The following CACNA2D3 variants were observed in gnomAD, a reference collection of about 807,000 sequenced individuals.
CACNA2D3 encodes voltage-dependent calcium channel subunit alpha-2/delta-3.
CACNA2D3 carries 60 observed loss-of-function variants against 160.6 expected under a neutral mutation model. The observed-to-expected ratio is 0.37, with a 90% CI of 0.30 to 0.46. The LOEUF (loss-of-function observed/expected upper bound fraction) is 0.46. Ranked by LOEUF, CACNA2D3 falls within the 20% of genes least tolerant of loss-of-function variation. The probability of loss-of-function intolerance (pLI) is 1.00; values close to 1 mark genes in which losing one functional copy is unlikely to be tolerated. For missense variants in CACNA2D3, 1,205 were observed against 1,365.0 expected, an observed-to-expected ratio of 0.88 and a Z score of 1.85; for synonymous variants, 558 against 492.9, an observed-to-expected ratio of 1.13 and a Z score of -1.75.
chr3:54,200,074 A>G (rs1464155215), intron 2 of CACNA2D3, among the ~76,000 whole-genome samples: 2 of 152,206 alleles, frequency 1.3e-5, no homozygotes, highest in Admixed American at 6.5e-5. Flanking sequence ...CCTTTATAGG[A>G]AAAGGTTTAC....
intron 17 of CACNA2D3, among the ~76,000 whole-genome samples, chr3:54,870,831 G>C (rs1188812742): frequency 6.6e-6 from 1 of 152,202 alleles, no homozygotes; most frequent in Non-Finnish European, 1.5e-5. Context: ...AGATGGTTCT[G>C]TGTGTCTGCA....
intron 3 of CACNA2D3, among the ~76,000 whole-genome samples, chr3:54,331,403 T>G (rs1219165423): frequency 1.3e-5 from 2 of 152,152 alleles, no homozygotes; most frequent in Non-Finnish European, 2.9e-5. Context: ...ATTAGTCAGA[T>G]TAGGGTTAGT....
intron 23 of CACNA2D3, among the ~76,000 whole-genome samples, chr3:54,887,401 T>A (rs1699951960): frequency 6.6e-6 from 1 of 152,076 alleles, no homozygotes; most frequent in South Asian, 2.1e-4. Flanking sequence ...CACTCCAGTC[T>A]GGGTGACAGA....
At chr3:54,143,228 A>G (rs1395328178) in intron 2 of CACNA2D3, among the ~76,000 whole-genome samples, 5 of 152,198 alleles carry the variant, frequency 3.3e-5, no homozygotes, top group Non-Finnish European at 7.3e-5. Flanking sequence ...TCCCCTCAAC[A>G]CAAATGCTGA....
Position 54,507,073 on chromosome 3 carries a change from G to A in CACNA2D3, c.544+3419G>A, listed in dbSNP as rs960309708. On this transcript the variant is annotated intron_variant, in intron 5 of 37. Coordinates refer to ENST00000474759, the MANE Select transcript of CACNA2D3 (RefSeq NM_018398.3). ...TGTGCATGTTTCTGTCTATGGGCAGGTCTGTTCATGTGTGTTTGTAAATAT... is the reference window on the plus strand; with the variant it reads ...TGTGCATGTTTCTGTCTATGGGCAGATCTGTTCATGTGTGTTTGTAAATAT... 6.6e-5 allele frequency among the ~76,000 whole-genome samples: 10 copies of A among 152,204 alleles called. No homozygotes were observed. In the South Asian group the frequency reaches 1.9e-3, roughly 28 times the overall value.
At chr3:54,304,337 C>A (rs1703548904) in intron 2 of CACNA2D3, among the ~76,000 whole-genome samples, 1 of 152,086 alleles carries the variant, frequency 6.6e-6, no homozygotes, top group African/African-American at 2.4e-5. Context: ...TGTATGAGGG[C>A]CCCTGGGTTG....
intron 2 of CACNA2D3, among the ~76,000 whole-genome samples, chr3:54,158,118 T>C (rs1243644206): frequency 6.6e-6 from 1 of 152,220 alleles, no homozygotes; most frequent in Admixed American, 6.5e-5. Context: ...TACTTAGAGC[T>C]TTGTGATTCT....
chr3:55,033,439 A>T (rs1703719961), intron 35 of CACNA2D3, among the ~76,000 whole-genome samples: 1 of 151,648 alleles, frequency 6.6e-6, no homozygotes, highest in Non-Finnish European at 1.5e-5. Context: ...CCTTGCATAG[A>T]TGGCTTATGC....
At chr3:54,385,963 G>A in intron 3 of CACNA2D3, 1 of 506,326 alleles carries the variant, frequency 2.0e-6, no homozygotes, top group Admixed American at 2.1e-5. Context: ...ATATTTTCAA[G>A]GTGGGAAATA....
chr3:54,426,107 G>T (rs138643436), intron 4 of CACNA2D3, among the ~76,000 whole-genome samples: 1 of 152,090 alleles, frequency 6.6e-6, no homozygotes, highest in Non-Finnish European at 1.5e-5. Flanking sequence ...TCAGATAGAC[G>T]TCATCTCTGG....
At chr3:54,619,924 G>T (rs1698946055) in intron 9 of CACNA2D3, among the ~76,000 whole-genome samples, 3 of 152,224 alleles carry the variant, frequency 2.0e-5, no homozygotes, top group Admixed American at 2.0e-4. Flanking sequence ...TGAGGTTAGG[G>T]TTGGGTGTGT....
chr3:55,028,911 C>G (rs1427705061), intron 35 of CACNA2D3, among the ~76,000 whole-genome samples: 1 of 152,200 alleles, frequency 6.6e-6, no homozygotes, highest in East Asian at 1.9e-4. Flanking sequence ...TCTCTCATCG[C>G]TTCTCCCCAC....
chr3:54,831,105 G>A (rs1703868228), intron 14 of CACNA2D3, among the ~76,000 whole-genome samples: 1 of 152,198 alleles, frequency 6.6e-6, no homozygotes, highest in Admixed American at 6.5e-5. Flanking sequence ...TATGATATTT[G>A]ATGAGAGTTA....
intron 5 of CACNA2D3, among the ~76,000 whole-genome samples, chr3:54,514,897 G>A (rs541986866): frequency 1.1e-4 from 17 of 152,280 alleles, no homozygotes; most frequent in South Asian, 2.1e-4. Context: ...AGAATCTACC[G>A]CTTGTGCCAT....
intron 14 of CACNA2D3, among the ~76,000 whole-genome samples, chr3:54,831,295 C>G (rs1703873427): frequency 6.6e-6 from 1 of 152,228 alleles, no homozygotes; most frequent in Non-Finnish European, 1.5e-5. Flanking sequence ...CCTTGGCTTG[C>G]TCAGATGCCT....
At chr3:55,044,938 G>A (rs562641271) in intron 35 of CACNA2D3, among the ~76,000 whole-genome samples, 3 of 151,948 alleles carry the variant, frequency 2.0e-5, no homozygotes, top group Non-Finnish European at 4.4e-5. Flanking sequence ...GGATTCTTGG[G>A]GTAAACCATA....
intron 27 of CACNA2D3, among the ~76,000 whole-genome samples, chr3:54,917,736 C>T (rs1185453375): frequency 6.6e-6 from 1 of 152,186 alleles, no homozygotes; most frequent in Non-Finnish European, 1.5e-5. Flanking sequence ...TCCCCATCCT[C>T]TTTGTGTTTG....
intron 27 of CACNA2D3, among the ~76,000 whole-genome samples, chr3:54,923,699 A>G (rs1396863844): frequency 6.6e-6 from 1 of 152,206 alleles, no homozygotes; most frequent in Non-Finnish European, 1.5e-5. Context: ...GGAAGAGTGA[A>G]GCACTGTGAA....
intron 2 of CACNA2D3, among the ~76,000 whole-genome samples, chr3:54,306,899 G>A (rs56998438): frequency 6.6e-6 from 1 of 152,174 alleles, no homozygotes; most frequent in African/African-American, 2.4e-5. Context: ...GACTCAGTGG[G>A]AGATTTCATA....
Sources: allele counts gnomAD v4.1 joint callset (sites outside exome capture counted in the v4.1 genomes callset), GRCh38; gene constraint gnomAD v4.1.1; transcripts MANE v1.5; gene names NCBI Gene and HGNC (gene_info 2026-07-23, HGNC 2026-07-21).